WIPF1: variants seen among roughly 807,000 people sequenced by gnomAD.
WIPF1 encodes the protein WAS/WASL interacting protein family member 1, also known as WAS/WASL-interacting protein family member 1.
Under a neutral mutation model 35.4 loss-of-function variants are expected in WIPF1, and 13 were observed. That is an observed-to-expected ratio of 0.37 (90% CI 0.24 to 0.58). The LOEUF is 0.58. WIPF1 is among the 20% of genes least tolerant of loss of function. The pLI is 0.74. For missense variants in WIPF1, 591 were observed against 667.0 expected (o/e 0.89, Z 1.25); for synonymous variants, 267 against 266.3 (o/e 1.00, Z -0.02).
At chr2:174,651,476 T>C (rs190088051) in intron 1 of WIPF1, among the ~76,000 whole-genome samples, 1 of 152,344 alleles carries the variant, frequency 6.6e-6, no homozygotes, top group East Asian at 1.9e-4. Context: ...AAATACACTA[T>C]AAAATTGCAG....
At chr2:174,631,605 T>C (rs1006934546) in intron 1 of WIPF1, among the ~76,000 whole-genome samples, 9 of 152,198 alleles carry the variant, frequency 5.9e-5, no homozygotes, top group East Asian at 3.8e-4. Flanking sequence ...TTTTGTTATG[T>C]GTCCTTTATC....
intron 1 of WIPF1, among the ~76,000 whole-genome samples, chr2:174,608,321 C>T (rs1686238844): frequency 6.6e-6 from 1 of 152,148 alleles, no homozygotes; most frequent in Non-Finnish European, 1.5e-5. Flanking sequence ...GATGCCAGTA[C>T]CCTAGATGCT....
intron 1 of WIPF1, chr2:174,655,783 T>C (rs1291330841): frequency 6.6e-6 from 1 of 152,422 alleles, no homozygotes; most frequent in Admixed American, 6.5e-5. Context: ...AATTTCCTGA[T>C]CACTCAGTTG....
intron 1 of WIPF1, among the ~76,000 whole-genome samples, chr2:174,652,377 T>C (rs1483224322): frequency 6.6e-6 from 1 of 152,234 alleles, no homozygotes; most frequent in Non-Finnish European, 1.5e-5. Flanking sequence ...TGCGATTATA[T>C]TTCTAGAAAA....
At chr2:174,666,318 G>A (rs949992389) in intron 1 of WIPF1, among the ~76,000 whole-genome samples, 5 of 152,182 alleles carry the variant, frequency 3.3e-5, no homozygotes, top group African/African-American at 1.2e-4. Flanking sequence ...ATCCACCACT[G>A]TCTATTTTGC....
chr2:174,561,834 T>G lies in WIPF1; in HGVS notation c.*713A>C. ...CACTTAAAAATGTGACTAGTCTGAA[T>G]GGAGATGTGCGGTAAGTGTAAAATA... On this transcript the variant is annotated 3_prime_UTR_variant, in exon 8 of 8. Coordinates refer to ENST00000679041, the MANE Select transcript of WIPF1 (RefSeq NM_001375834.1). The G allele has an allele frequency of 2.2e-6, 1 of 449,234 alleles. No individual in the cohort carries two copies. Among genetic ancestry groups the G allele is most frequent in the Admixed American group, 3.4e-5 (1 of 29,178 alleles). The allele number at this position is 449,234 out of a possible 1,614,324, so 27.8% of individuals were successfully genotyped here.
intron 1 of WIPF1, 67 bp from the exon 2 acceptor site, chr2:174,585,678 A>C: frequency 8.5e-7 from 1 of 1,175,940 alleles, no homozygotes; most frequent in Non-Finnish European, 1.2e-6. Flanking sequence ...ATCTGTCTTC[A>C]CTTTCCCACC....
intron 1 of WIPF1, chr2:174,665,824 ACT>A (rs1243481521): frequency 2.6e-5 from 4 of 152,128 alleles, no homozygotes; most frequent in Admixed American, 6.5e-5. Flanking sequence ...TCTACAATGG[ACT>A]CTGCTCAGAG....
chr2:174,616,439 T>C lies in WIPF1; in HGVS notation c.-38-30828A>G, dbSNP rs1007529913. ...TGGCGTCCCTTCCTGAAGCCACTAC[T>C]AGATCAGAAGTCCACTCTGAGCCTC... On this transcript the variant is annotated intron_variant, in intron 1 of 8. Transcript: ENST00000272746. Among the ~76,000 whole-genome samples, 6 of 152,222 alleles carry C rather than the reference T, an allele frequency of 3.9e-5. No homozygotes were observed. The East Asian group carries it at 9.7e-4, about 24-fold the overall frequency.
intron 7 of WIPF1, among the ~76,000 whole-genome samples, chr2:174,563,477 AG>A (rs1054394982): frequency 3.9e-5 from 6 of 152,112 alleles, no homozygotes; most frequent in African/African-American, 1.4e-4. Flanking sequence ...CTGTGGTGGG[AG>A]GATCACCTGA....
chr2:174,621,019 T>A (rs1686656451), intron 1 of WIPF1, among the ~76,000 whole-genome samples: 1 of 152,166 alleles, frequency 6.6e-6, no homozygotes, highest in South Asian at 2.1e-4. Flanking sequence ...GAGTTTGGAC[T>A]TCGCCTGGAG....
At chr2:174,631,252 G>A (rs1412710522) in intron 1 of WIPF1, among the ~76,000 whole-genome samples, 1 of 152,198 alleles carries the variant, frequency 6.6e-6, no homozygotes, top group East Asian at 1.9e-4. Context: ...TAAAGAAAAT[G>A]TGATATATAC....
intron 3 of WIPF1, among the ~76,000 whole-genome samples, chr2:174,576,230 CAAAAAA>C (rs66562213): frequency 1.0e-5 from 1 of 98,952 alleles, no homozygotes. Flanking sequence ...TGCACTCCAG[CAAAAAA>C]AAAAAAAAAA....
chr2:174,573,719 A>G (rs1684950409), intron 4 of WIPF1, among the ~76,000 whole-genome samples: 1 of 152,164 alleles, frequency 6.6e-6, no homozygotes. Flanking sequence ...CCCGGGGCAC[A>G]GTGAGAATGG....
At chr2:174,657,528 G>T (rs543154506) in intron 1 of WIPF1, among the ~76,000 whole-genome samples, 1 of 152,080 alleles carries the variant, frequency 6.6e-6, no homozygotes, top group Non-Finnish European at 1.5e-5. Flanking sequence ...CATTAATGTC[G>T]ATGTCCTGTC....
At chr2:174,678,318 A>G (rs1377881355) in intron 1 of WIPF1, among the ~76,000 whole-genome samples, 2 of 152,250 alleles carry the variant, frequency 1.3e-5, no homozygotes, top group Admixed American at 6.5e-5. Context: ...TATTCCTTCA[A>G]TGTGAACCCT....
At chr2:174,618,543 A>G (rs1168971708) in intron 1 of WIPF1, among the ~76,000 whole-genome samples, 2 of 152,232 alleles carry the variant, frequency 1.3e-5, no homozygotes, top group African/African-American at 4.8e-5. Context: ...ACTAACAGTA[A>G]TAACAACAGT....
intron 1 of WIPF1, among the ~76,000 whole-genome samples, chr2:174,593,784 C>T (rs941397894): frequency 6.6e-6 from 1 of 152,224 alleles, no homozygotes; most frequent in African/African-American, 2.4e-5. Flanking sequence ...CATCCCTTCC[C>T]CCCAGCATGT....
intron 1 of WIPF1, among the ~76,000 whole-genome samples, chr2:174,641,785 A>G (rs1386883820): frequency 2.0e-5 from 3 of 152,214 alleles, no homozygotes; most frequent in Non-Finnish European, 4.4e-5. Context: ...ACCATTTACC[A>G]AGCCTGTGCC....
Sources: gnomAD v4.1 joint callset for allele counts (sites outside exome capture counted in the v4.1 genomes callset) on GRCh38, gnomAD v4.1.1 for gene constraint, MANE v1.5 for transcripts, NCBI Gene and HGNC (gene_info 2026-07-23, HGNC 2026-07-21) for gene names.